The following ALX4 variants were observed in gnomAD, a reference collection of about 807,000 sequenced individuals.
ALX4 encodes the protein homeobox protein aristaless-like 4.
A neutral mutation model predicts 40.6 loss-of-function variants in ALX4; 22 were observed. The ratio of observed to expected loss-of-function variants is 0.54; its 90% CI spans 0.39 to 0.77. The LOEUF is 0.77. Among genes scored for constraint, ALX4 ranks in the 30% least tolerant of loss-of-function variants. The pLI, the probability that ALX4 is intolerant of heterozygous loss-of-function variation, is 0.00. For missense variants in ALX4, 556 were observed against 564.8 expected, an observed-to-expected ratio of 0.98 and a Z score of 0.16; for synonymous variants, 266 against 240.5, an observed-to-expected ratio of 1.11 and a Z score of -0.98.
intron 1 of ALX4, among the ~76,000 whole-genome samples, chr11:44,292,729 G>A (rs542623846): frequency 1.3e-5 from 2 of 152,220 alleles, no homozygotes; most frequent in Non-Finnish European, 2.9e-5. Flanking sequence ...CCAGGATTTT[G>A]CCTATCACAT....
intron 1 of ALX4, among the ~76,000 whole-genome samples, chr11:44,278,358 GC>G (rs959149681): frequency 1.1e-4 from 16 of 152,184 alleles, no homozygotes; most frequent in Non-Finnish European, 1.3e-4. Context: ...TCCCTCCCCT[GC>G]GGTCTTAGGC....
intron 3 of ALX4, among the ~76,000 whole-genome samples, chr11:44,266,796 A>G (rs768275123): frequency 2.0e-5 from 3 of 152,142 alleles, no homozygotes; most frequent in Non-Finnish European, 4.4e-5. Context: ...CATCCCTTGC[A>G]TCTCACACTA....
In ALX4 at chr11:44,272,724, G is replaced by A. The variant is rs79402154; in HGVS notation, c.777+2624C>T. Among the ~76,000 whole-genome samples, 22 of 151,848 alleles carry A rather than the reference G, an allele frequency of 1.4e-4. No homozygotes were observed. In the East Asian group the frequency reaches 1.9e-3, roughly 13 times the overall value. ...CTTGGGAGGCTGAGGCATGAGAATC[G>A]CTTGAACCCAGGAGGTGGAGGCCGC... On this transcript the variant is annotated intron_variant, in intron 2 of 3. Coordinates refer to ENST00000652299, the MANE Select transcript of ALX4 (RefSeq NM_021926.4).
rs368700633 is a variant in ALX4 at position 44,293,426 on chromosome 11, A to T, written c.466+16171T>A. Among the ~76,000 whole-genome samples the T allele has an allele frequency of 1.5e-4, 23 of 151,232 alleles. No individual in the cohort carries two copies. The South Asian group carries it at 4.2e-3, about 28-fold the overall frequency. On this transcript the variant is annotated intron_variant, in intron 1 of 3. Coordinates refer to ENST00000652299, the MANE Select transcript of ALX4 (RefSeq NM_021926.4). ...AAACCCCATCTTAAAAAAAGAAAAA[A>T]AAATATATATATAATGCATGGTGTG...
At chr11:44,273,955 T>A (rs1956263229) in intron 2 of ALX4, among the ~76,000 whole-genome samples, 1 of 151,454 alleles carries the variant, frequency 6.6e-6, no homozygotes, top group African/African-American at 2.4e-5. Flanking sequence ...CCAGTCTCTT[T>A]AAAAAAAATA....
At chr11:44,297,031 A>G (rs975925392) in intron 1 of ALX4, among the ~76,000 whole-genome samples, 5 of 122,802 alleles carry the variant, frequency 4.1e-5, no homozygotes, top group African/African-American at 2.9e-5. Context: ...AAAAAAAAAA[A>G]GGTACCTACA....
intron 1 of ALX4, among the ~76,000 whole-genome samples, chr11:44,283,666 C>T (rs544409329): frequency 2.0e-5 from 3 of 152,116 alleles, no homozygotes; most frequent in East Asian, 1.9e-4. Flanking sequence ...TAGATTCAAA[C>T]GATTGTCGGA....
chr11:44,285,998 C>T (rs1956336545), intron 1 of ALX4, among the ~76,000 whole-genome samples: 1 of 152,224 alleles, frequency 6.6e-6, no homozygotes, highest in Non-Finnish European at 1.5e-5. Flanking sequence ...GAGGGAGACT[C>T]CTCTGGGCTC....
At position 44,264,830 on chromosome 11, in the gene ALX4, T is replaced by C. The variant is rs533211314; in HGVS notation, c.*24A>G. ...GGGCGTGGCCCATGGTGTCCCGAGG[T>C]GGGGACGGGGCAGGGGTGCCCTGTC... On this transcript the variant is annotated 3_prime_UTR_variant, in exon 4 of 4. Transcript: ENST00000652299. 6 of 1,610,124 alleles carry C rather than the reference T, an allele frequency of 3.7e-6. No individual in the cohort carries two copies. In the African/African-American group the frequency reaches 8.0e-5, roughly 21 times the overall value.
At chr11:44,282,684 A>G (rs1026912910) in intron 1 of ALX4, among the ~76,000 whole-genome samples, 2 of 152,194 alleles carry the variant, frequency 1.3e-5, no homozygotes, top group African/African-American at 4.8e-5. Flanking sequence ...GATGAATCTG[A>G]AAGGTGGCCT....
chr11:44,284,831 C>T (rs7939723), intron 1 of ALX4, among the ~76,000 whole-genome samples: 43,763 of 151,902 alleles, frequency 0.29, 6,821 homozygotes, highest in African/African-American at 0.41. Flanking sequence ...ACTTTTCTTT[C>T]GCATTACAAA....
chr11:44,302,215 T>C (rs931749116), intron 1 of ALX4, among the ~76,000 whole-genome samples: 2 of 152,090 alleles, frequency 1.3e-5, no homozygotes, highest in African/African-American at 4.8e-5. Flanking sequence ...GCTCGCACAC[T>C]GGGGGACACA....
At chr11:44,267,427 C>T in intron 3 of ALX4, 67 bp downstream of exon 3, 1 of 1,601,168 alleles carries the variant, frequency 6.2e-7, no homozygotes, top group South Asian at 1.1e-5. Context: ...GGGCTCTCCT[C>T]CAAGGGGCTC....
At chr11:44,266,865 G>C (rs78969013) in intron 3 of ALX4, among the ~76,000 whole-genome samples, 29,236 of 152,202 alleles carry the variant, frequency 0.19, 3,097 homozygotes, top group Non-Finnish European at 0.23. Context: ...GGGGAGGACA[G>C]GGCCCCAGAA....
chr11:44,293,783 T>A (rs1008387742), intron 1 of ALX4, among the ~76,000 whole-genome samples: 1 of 152,224 alleles, frequency 6.6e-6, no homozygotes, highest in Non-Finnish European at 1.5e-5. Context: ...AGGCTATTAC[T>A]CGTTCTGTTT....
rs145904583 is a variant in ALX4 at position 44,265,172 on chromosome 11, C to T, written c.918G>A (p.Pro306=). 2,336 of 1,603,294 alleles carry T rather than the reference C, an allele frequency of 1.5e-3. 35 individuals are homozygous for T. In the African/African-American group the frequency reaches 0.025, roughly 17 times the overall value. Reference sequence around the variant, plus strand: ...CAGCCCCGTTGTTGCCGAGCCAGGACGGGTTCTGAATCTGGGAGAGGAAGG... The same window carrying T: ...CAGCCCCGTTGTTGCCGAGCCAGGATGGGTTCTGAATCTGGGAGAGGAAGG... ...RAENYAQIQN[P]SWLGNNGAAS... The change falls in exon 4 of 4, where the codon CCG becomes CCA. Residue 306 remains proline, a synonymous_variant. Coordinates refer to ENST00000652299, the MANE Select transcript of ALX4 (RefSeq NM_021926.4).
chr11:44,288,454 G>T lies in ALX4; in HGVS notation c.467-12796C>A, dbSNP rs182403501. ...AGGTATGTGGACTAATGGAAAGAAG[G>T]CACCTTCCCTAGGAACCCCTCTTGT... On this transcript the variant is annotated intron_variant, in intron 1 of 3. Coordinates refer to ENST00000652299, the MANE Select transcript of ALX4 (RefSeq NM_021926.4). 3.3e-5 allele frequency among the ~76,000 whole-genome samples: 5 copies of T among 152,270 alleles called. No individual in the cohort carries two copies. The East Asian group carries it at 7.7e-4, about 23-fold the overall frequency.
chr11:44,292,596 T>TA (rs1209875306), intron 1 of ALX4, among the ~76,000 whole-genome samples: 2 of 152,086 alleles, frequency 1.3e-5, no homozygotes, highest in Non-Finnish European at 2.9e-5. Context: ...ATTTGCTTTT[T>TA]AAAAAATCCA....
chr11:44,294,455 G>A lies in ALX4; in HGVS notation c.466+15142C>T, dbSNP rs370089300. 2.6e-5 allele frequency among the ~76,000 whole-genome samples: 4 copies of A among 152,082 alleles called. No individual in the cohort carries two copies. In the East Asian group the frequency reaches 7.7e-4, roughly 29 times the overall value. ...AAACACAGAAAACACATTCAGCAGG[G>A]AGAGAGTTATTCCCCAGCTCATGAC... is the stretch of plus-strand genomic sequence containing the variant. On this transcript the variant is annotated intron_variant, in intron 1 of 3. Transcript: ENST00000652299.
Sources: gnomAD v4.1 joint callset for allele counts (sites outside exome capture counted in the v4.1 genomes callset) on GRCh38, gnomAD v4.1.1 for gene constraint, MANE v1.5 for transcripts, NCBI Gene and HGNC (gene_info 2026-07-23, HGNC 2026-07-21) for gene names.